The following EYS variants were observed in gnomAD, a reference collection of about 807,000 sequenced individuals.
The protein encoded by EYS is EGF-like photoreceptor maintenance factor, also known as protein eyes shut homolog.
A neutral mutation model predicts 282.1 loss-of-function variants in EYS; 250 were observed. That is an observed-to-expected ratio of 0.89 (90% CI 0.80 to 0.98). EYS has a LOEUF of 0.98. Among genes scored for constraint, EYS ranks in the 50% least tolerant of loss-of-function variants. The probability of loss-of-function intolerance (pLI) is 0.00; values close to 1 mark genes in which losing one functional copy is unlikely to be tolerated. For synonymous variants in EYS, 1,355 were observed against 1,282.9 expected (o/e 1.06, Z -1.20); for missense variants, 4,016 against 3,709.0 (o/e 1.08, Z -2.15).
intron 13 of EYS, among the ~76,000 whole-genome samples, chr6:65,020,885 C>T (rs187202929): frequency 1.3e-3 from 198 of 152,286 alleles, no homozygotes; most frequent in African/African-American, 4.5e-3. Context: ...AGGCTTGGGA[C>T]TTGCACCCTC....
In EYS at chr6:65,691,090, A is replaced by G. The variant is rs187105336; in HGVS notation, c.-448+16045T>C. Among the ~76,000 whole-genome samples the G allele has an allele frequency of 2.4e-3, 360 of 150,388 alleles. 4 individuals carry two copies. Among genetic ancestry groups the G allele is most frequent in the African/African-American group, 8.3e-3 (343 of 41,294 alleles). ...TAAAATGATTTATAATCCTTTGGGT[A>G]TATCCTAGTAATGGGATCACTGGGT... On this transcript the variant is annotated intron_variant, in intron 1 of 42. Transcript: ENST00000503581.
intron 22 of EYS, among the ~76,000 whole-genome samples, chr6:64,783,796 T>A (rs1773935205): frequency 6.6e-6 from 1 of 152,110 alleles, no homozygotes; most frequent in Admixed American, 6.5e-5. Context: ...TCATCCAAAT[T>A]TTTTTAACAT....
At chr6:65,010,511 AC>A (rs1403192494) in intron 13 of EYS, among the ~76,000 whole-genome samples, 1 of 152,222 alleles carries the variant, frequency 6.6e-6, no homozygotes, top group Non-Finnish European at 1.5e-5. Context: ...AATTGCTCAA[AC>A]ATACGCCACT....
chr6:65,568,428 C>A (rs897199042), intron 2 of EYS, among the ~76,000 whole-genome samples: 2 of 150,184 alleles, frequency 1.3e-5, no homozygotes, highest in Non-Finnish European at 3.0e-5. Context: ...TGCCATTTTT[C>A]TTATCAGTCT....
intron 32 of EYS, among the ~76,000 whole-genome samples, chr6:64,078,166 T>C (rs978393314): frequency 3.3e-5 from 5 of 152,160 alleles, no homozygotes; most frequent in South Asian, 2.1e-4. Flanking sequence ...AAATATTTGA[T>C]TTGATATAAA....
intron 35 of EYS, among the ~76,000 whole-genome samples, chr6:63,965,700 T>C (rs1188260911): frequency 2.6e-5 from 4 of 152,198 alleles, no homozygotes; most frequent in Non-Finnish European, 1.5e-5. Context: ...TTGATTTGCC[T>C]GATTTTCATA....
At chr6:64,087,587 T>A (rs184939039) in intron 31 of EYS, among the ~76,000 whole-genome samples, 12 of 152,256 alleles carry the variant, frequency 7.9e-5, no homozygotes, top group African/African-American at 1.9e-4. Context: ...CCCTATGGCA[T>A]GTCCAACTTT....
chr6:63,720,978 A>C lies in EYS; in HGVS notation c.9053T>G (p.Leu3018Trp). Residue 3018 changes from leucine to tryptophan, a missense_variant, in exon 43 of 43, where the codon TTG becomes TGG. Leu to Trp is a moderately conservative substitution (Grantham distance 61, BLOSUM62 -2). Transcript: ENST00000503581. ...FLAIGLHNQT[L>W]KIAVNLGERI... is the part of the protein sequence containing the mutation. ...TTCTCCCAAGTTAACTGCTATTTTC[A>C]AGGTCTGATTATGGAGACCAATTGC... The C allele has an allele frequency of 6.4e-7, 1 of 1,551,392 alleles. No homozygotes were observed. Among genetic ancestry groups the C allele is most frequent in the Non-Finnish European group, 8.7e-7 (1 of 1,146,798 alleles).
chr6:63,746,067 C>T (rs1769203885), intron 41 of EYS, among the ~76,000 whole-genome samples: 1 of 152,128 alleles, frequency 6.6e-6, no homozygotes, highest in Non-Finnish European at 1.5e-5. Context: ...TTGCTTGAGC[C>T]ACCCAGTCTG....
chr6:65,030,256 C>A (rs1172125148), intron 13 of EYS, among the ~76,000 whole-genome samples: 2 of 152,128 alleles, frequency 1.3e-5, no homozygotes, highest in Non-Finnish European at 2.9e-5. Context: ...GCTGATGCTG[C>A]TTGCAGCACA....
chr6:64,070,875 T>C (rs1771547668), intron 32 of EYS, among the ~76,000 whole-genome samples: 3 of 151,978 alleles, frequency 2.0e-5, no homozygotes, highest in Admixed American at 2.0e-4. Context: ...GTGTTAATAA[T>C]TTTATTCATT....
chr6:64,663,193 C>T (rs1248911282), intron 22 of EYS, among the ~76,000 whole-genome samples: 2 of 152,026 alleles, frequency 1.3e-5, no homozygotes, highest in Non-Finnish European at 2.9e-5. Flanking sequence ...ATTCAAAATC[C>T]ACTGACAACA....
intron 35 of EYS, among the ~76,000 whole-genome samples, chr6:63,874,314 C>T (rs956935363): frequency 6.6e-6 from 1 of 151,962 alleles, no homozygotes; most frequent in Non-Finnish European, 1.5e-5. Context: ...TAGATGCGTG[C>T]TATTATTTCT....
intron 31 of EYS, among the ~76,000 whole-genome samples, chr6:64,194,941 T>G (rs1331846115): frequency 6.6e-6 from 1 of 152,164 alleles, no homozygotes; most frequent in Non-Finnish European, 1.5e-5. Flanking sequence ...AAAATTTGCA[T>G]GCCTAACTCG....
At chr6:63,972,862 T>A (rs1020673526) in intron 35 of EYS, among the ~76,000 whole-genome samples, 1 of 152,166 alleles carries the variant, frequency 6.6e-6, no homozygotes, top group Non-Finnish European at 1.5e-5. Context: ...GCAAAGGACA[T>A]GAACTCATCC....
intron 5 of EYS, among the ~76,000 whole-genome samples, chr6:65,420,367 A>G (rs1767409758): frequency 6.7e-6 from 1 of 149,126 alleles, no homozygotes; most frequent in Non-Finnish European, 1.5e-5. Flanking sequence ...GCTCATTCGT[A>G]AGAAACAATC....
chr6:65,379,499 T>C (rs1279869108), intron 8 of EYS, among the ~76,000 whole-genome samples: 3 of 151,860 alleles, frequency 2.0e-5, no homozygotes, highest in Admixed American at 1.3e-4. Context: ...GACAAACCCA[T>C]AGCCAATATC....
At chr6:63,995,291 A>G (rs994969711) in intron 34 of EYS, among the ~76,000 whole-genome samples, 49 of 152,068 alleles carry the variant, frequency 3.2e-4, no homozygotes, top group African/African-American at 1.1e-3. Context: ...GCCAACAGGT[A>G]TGTGAAAAGA....
chr6:65,693,219 C>T (rs1426735116), intron 1 of EYS, among the ~76,000 whole-genome samples: 3 of 149,150 alleles, frequency 2.0e-5, no homozygotes, highest in South Asian at 4.3e-4. Flanking sequence ...TTTATTTTTT[C>T]CCTCTTTCCT....
Sources: allele counts gnomAD v4.1 joint callset (sites outside exome capture counted in the v4.1 genomes callset), GRCh38; gene constraint gnomAD v4.1.1; transcripts MANE v1.5; gene names NCBI Gene and HGNC (gene_info 2026-07-23, HGNC 2026-07-21).